Variants in KCNH7 observed in about 807,000 individuals in gnomAD.
The protein encoded by KCNH7 is potassium voltage-gated channel subfamily H member 7.
In KCNH7, 49 loss-of-function variants were observed where a neutral mutation model predicts 120.8. That is an observed-to-expected ratio of 0.41 (90% confidence interval 0.32 to 0.51). The LOEUF (loss-of-function observed/expected upper bound fraction) is 0.51, where lower values mean the gene tolerates loss of function less well. Among genes scored for constraint, KCNH7 ranks in the 20% least tolerant of loss-of-function variants. The pLI, the probability that KCNH7 is intolerant of heterozygous loss-of-function variation, is 0.38. For synonymous variants in KCNH7, 547 were observed against 516.1 expected (o/e 1.06, Z -0.81); for missense variants, 1,097 against 1,446.6 (o/e 0.76, Z 3.92).
At chr2:162,821,171 A>G (rs566782274) in intron 2 of KCNH7, among the ~76,000 whole-genome samples, 1 of 152,356 alleles carries the variant, frequency 6.6e-6, no homozygotes, top group South Asian at 2.1e-4. Context: ...AGATTCCAAG[A>G]TAAACATCCT....
rs1207686515 is a variant in KCNH7 at position 162,435,274 on chromosome 2, G to T, written c.1878C>A (p.Thr626=). 1 of 1,613,766 alleles carries T rather than the reference G, an allele frequency of 6.2e-7. No homozygotes were observed. Residue 626 remains threonine (T), a synonymous_variant, in exon 8 of 16, where the codon ACC becomes ACA. Transcript: ENST00000332142. ...GAGACACATTCCCGAATCCTACACT[G>T]GTTAAACTGCTGAAGGTAAAATAAA... ...TALYFTFSSL[T]SVGFGNVSPN...
At chr2:162,752,858 G>A (rs139086566) in intron 2 of KCNH7, among the ~76,000 whole-genome samples, 6,776 of 143,098 alleles carry the variant, frequency 0.047, 267 homozygotes, top group Middle Eastern at 0.1. Context: ...CCGAGATTGC[G>A]CCATTGCACT....
intron 2 of KCNH7, among the ~76,000 whole-genome samples, chr2:162,785,488 T>C (rs1683666121): frequency 6.6e-6 from 1 of 152,234 alleles, no homozygotes; most frequent in African/African-American, 2.4e-5. Context: ...TTTTACAACA[T>C]TTCACTGACT....
intron 7 of KCNH7, among the ~76,000 whole-genome samples, chr2:162,442,990 T>C (rs901887935): frequency 5.9e-5 from 9 of 152,224 alleles, no homozygotes; most frequent in Non-Finnish European, 1.3e-4. Context: ...TCTATGAACA[T>C]ATGAAAGCCC....
intron 2 of KCNH7, among the ~76,000 whole-genome samples, chr2:162,574,536 CTG>C (rs1693604145): frequency 3.3e-5 from 5 of 152,154 alleles, no homozygotes; most frequent in Admixed American, 3.3e-4. Flanking sequence ...AATTAATAGA[CTG>C]TAATTACTTT....
At chr2:162,415,148 T>TAA (rs201616548) in intron 9 of KCNH7, among the ~76,000 whole-genome samples, 1 of 145,088 alleles carries the variant, frequency 6.9e-6, no homozygotes, top group East Asian at 2.0e-4. Context: ...GTCCTTTTTT[T>TAA]AAAAAAAAAA....
intron 8 of KCNH7, among the ~76,000 whole-genome samples, chr2:162,429,381 G>GTTTTTTTTTTTTTT (rs1158431426): frequency 1.2e-4 from 5 of 43,426 alleles, no homozygotes; most frequent in African/African-American, 7.2e-4. Context: ...TGAGGAAAAA[G>GTTTTTTTTTTTTTT]TCTTTTTTTT....
intron 2 of KCNH7, among the ~76,000 whole-genome samples, chr2:162,760,193 G>C (rs191297771): frequency 5.7e-4 from 86 of 152,118 alleles, no homozygotes; most frequent in African/African-American, 2.0e-3. Context: ...TAACGCAGGG[G>C]ATTCAAACAT....
intron 2 of KCNH7, among the ~76,000 whole-genome samples, chr2:162,738,457 G>A (rs998122246): frequency 6.6e-6 from 1 of 152,096 alleles, no homozygotes; most frequent in Non-Finnish European, 1.5e-5. Flanking sequence ...TCACCTTGGT[G>A]GTTTCATTTA....
intron 8 of KCNH7, among the ~76,000 whole-genome samples, 182 bp from the exon 9 acceptor site, chr2:162,423,717 T>C (rs1687773644): frequency 6.6e-6 from 1 of 152,164 alleles, no homozygotes; most frequent in Non-Finnish European, 1.5e-5. Context: ...GTGATAAAGC[T>C]GGAGAGGGAA....
At chr2:162,597,591 G>A (rs1694420753) in intron 2 of KCNH7, among the ~76,000 whole-genome samples, 1 of 152,026 alleles carries the variant, frequency 6.6e-6, no homozygotes, top group African/African-American at 2.4e-5. Flanking sequence ...AGGGTGCAAA[G>A]TTTCAGTTAG....
chr2:162,413,678 T>C (rs1439109660), intron 9 of KCNH7, among the ~76,000 whole-genome samples: 1 of 151,996 alleles, frequency 6.6e-6, no homozygotes, highest in East Asian at 1.9e-4. Flanking sequence ...ATAAAAAAAT[T>C]TAGGAAATGA....
At chr2:162,397,634 A>G (rs1020231447) in intron 10 of KCNH7, among the ~76,000 whole-genome samples, 9 of 151,812 alleles carry the variant, frequency 5.9e-5, no homozygotes, top group African/African-American at 1.7e-4. Context: ...ACCTCTGTGT[A>G]GCCACATACT....
At chr2:162,461,806 A>G (rs1042565604) in intron 6 of KCNH7, among the ~76,000 whole-genome samples, 1 of 152,156 alleles carries the variant, frequency 6.6e-6, no homozygotes, top group African/African-American at 2.4e-5. Flanking sequence ...GTCCTCATAA[A>G]AGCAACAATC....
Position 162,826,632 on chromosome 2 carries a change from G to A in KCNH7, c.307+9905C>T, listed in dbSNP as rs904978936. ...GCAGCAAAATGACAAACACAAGATGGTGAATGCATGAATGAATGATATCTT... is the reference window on the plus strand; with the variant it reads ...GCAGCAAAATGACAAACACAAGATGATGAATGCATGAATGAATGATATCTT... On this transcript the variant is annotated intron_variant, in intron 2 of 15. Coordinates refer to ENST00000332142, the MANE Select transcript of KCNH7 (RefSeq NM_033272.4). Among the ~76,000 whole-genome samples the A allele has an allele frequency of 4.6e-5, 7 of 152,108 alleles. 1 individual carries two copies. The highest frequency in any genetic ancestry group is 4.6e-4 in the Admixed American group (7 of 15,262).
chr2:162,763,399 T>C (rs1689030592), intron 2 of KCNH7, among the ~76,000 whole-genome samples: 1 of 152,136 alleles, frequency 6.6e-6, no homozygotes, highest in African/African-American at 2.4e-5. Context: ...AGTTTGTTAA[T>C]TGCAAATAGC....
intron 2 of KCNH7, among the ~76,000 whole-genome samples, chr2:162,650,405 T>G (rs1020809313): frequency 2.0e-5 from 3 of 152,142 alleles, no homozygotes; most frequent in Non-Finnish European, 1.5e-5. Context: ...TTTTACATAA[T>G]TTAGGATCCA....
chr2:162,667,000 C>T (rs1193013870), intron 2 of KCNH7, among the ~76,000 whole-genome samples: 1 of 148,388 alleles, frequency 6.7e-6, no homozygotes, highest in Non-Finnish European at 1.5e-5. Flanking sequence ...ACCTTCTAGT[C>T]TATTCTTTTT....
intron 3 of KCNH7, among the ~76,000 whole-genome samples, chr2:162,533,942 A>G (rs990302059): frequency 2.0e-5 from 3 of 151,606 alleles, no homozygotes; most frequent in African/African-American, 7.2e-5. Context: ...ATTTTAGACA[A>G]TTACAAAAAG....
Sources: gnomAD v4.1 joint callset for allele counts (sites outside exome capture counted in the v4.1 genomes callset) on GRCh38, gnomAD v4.1.1 for gene constraint, MANE v1.5 for transcripts, NCBI Gene and HGNC (gene_info 2026-07-23, HGNC 2026-07-21) for gene names.